The following CDKL5 variants were observed in gnomAD, a reference collection of about 807,000 sequenced individuals.
The protein encoded by CDKL5 is cyclin-dependent kinase-like 5.
CDKL5 carries 8 observed loss-of-function variants against 61.7 expected under a neutral mutation model. That is an observed-to-expected ratio of 0.13 (90% CI 0.08 to 0.23). The LOEUF is 0.23. CDKL5 is among the 10% of genes least tolerant of loss of function. The probability of loss-of-function intolerance (pLI) is 1.00; values close to 1 mark genes in which losing one functional copy is unlikely to be tolerated. For missense variants in CDKL5, 440 were observed against 734.5 expected (o/e 0.60, Z 4.63); for synonymous variants, 275 against 272.3 (o/e 1.01, Z -0.10).
intron 1 of CDKL5, among the ~76,000 whole-genome samples, chrX:18,501,082 C>G (rs1922364582): frequency 1.8e-5 from 2 of 110,948 alleles, no homozygotes; most frequent in Admixed American, 1.9e-4. Flanking sequence ...CTTAAGCAGT[C>G]TGCCTGCCTC....
intron 1 of CDKL5, among the ~76,000 whole-genome samples, chrX:18,474,726 T>TA (rs1320918397): frequency 9.0e-6 from 1 of 111,678 alleles, no homozygotes; most frequent in Non-Finnish European, 1.9e-5. Flanking sequence ...CTAGGGACCT[T>TA]AACTTTTAGT....
chrX:18,485,901 AAG>A (rs1015918586), intron 1 of CDKL5, among the ~76,000 whole-genome samples: 1 of 111,368 alleles, frequency 9.0e-6, no homozygotes, highest in Non-Finnish European at 1.9e-5. Flanking sequence ...TTTTTTTAAA[AAG>A]AGAGAGCGCA....
chrX:18,545,981 C>T (rs1347081393), intron 3 of CDKL5, among the ~76,000 whole-genome samples: 1 of 111,589 alleles, frequency 9.0e-6, no homozygotes. Context: ...TTTGGTAACA[C>T]ACCTACTCTA....
intron 11 of CDKL5, among the ~76,000 whole-genome samples, chrX:18,601,247 A>T (rs1926168421): frequency 8.9e-6 from 1 of 111,833 alleles, no homozygotes; most frequent in Non-Finnish European, 1.9e-5. Context: ...TCTGCCCACC[A>T]TGGACACGGT....
chrX:18,517,941 G>T (rs896387285), intron 3 of CDKL5, among the ~76,000 whole-genome samples: 1 of 111,221 alleles, frequency 9.0e-6, no homozygotes, highest in African/African-American at 3.3e-5. Context: ...GGAGGCGGAG[G>T]TTGCAGTGAG....
At chrX:18,581,844 G>A (rs746423337) in intron 6 of CDKL5, 47 bp from the exon 7 acceptor site, 1 of 838,895 alleles carries the variant, frequency 1.2e-6, no homozygotes. Flanking sequence ...TCAATCAGGA[G>A]AACATAGAAC....
At chrX:18,537,648 C>T (rs1427229072) in intron 3 of CDKL5, among the ~76,000 whole-genome samples, 3 of 112,036 alleles carry the variant, frequency 2.7e-5, no homozygotes, top group African/African-American at 6.5e-5. Context: ...TTTATAGCCA[C>T]AGCCACACTC....
In CDKL5 at chrX:18,629,491, A is replaced by G. The variant is rs1011405191; in HGVS notation, c.*734A>G. The G allele has an allele frequency of 1.7e-5, 10 of 591,761 alleles. No homozygotes were observed. The highest frequency in any genetic ancestry group is 2.0e-5 in the Non-Finnish European group (10 of 492,050). 48.8% of individuals were successfully genotyped at this position (591,761 alleles called of 1,213,427 possible). A position where few individuals can be genotyped will look rare whatever the true frequency, so the allele number is the denominator to read the frequency against. On this transcript the variant is annotated 3_prime_UTR_variant, in exon 18 of 18. Coordinates refer to ENST00000623535, the MANE Select transcript of CDKL5 (RefSeq NM_001323289.2). ...TATGGTAAATATCTGTTTTATAAAT[A>G]TATTCATTTAAAGAAAGTATCGTTA...
chrX:18,572,231 G>A (rs1303317536), intron 4 of CDKL5, among the ~76,000 whole-genome samples: 1 of 111,690 alleles, frequency 9.0e-6, no homozygotes, highest in Non-Finnish European at 1.9e-5. Flanking sequence ...TTAAAAGACC[G>A]AGTCCAGAAT....
chrX:18,446,636 T>G (rs2147630410), intron 1 of CDKL5, among the ~76,000 whole-genome samples: 1 of 111,782 alleles, frequency 8.9e-6, no homozygotes, highest in Non-Finnish European at 1.9e-5. Context: ...TGGGAAGGTA[T>G]AATACATTTT....
At chrX:18,569,268 G>T (rs1602266088) in intron 4 of CDKL5, among the ~76,000 whole-genome samples, 1 of 110,825 alleles carries the variant, frequency 9.0e-6, no homozygotes, top group Non-Finnish European at 1.9e-5. Flanking sequence ...CTAAATGATG[G>T]TATTATAAGT....
At chrX:18,450,849 A>ATTGTTT (rs1931997181) in intron 1 of CDKL5, among the ~76,000 whole-genome samples, 1 of 109,437 alleles carries the variant, frequency 9.1e-6, no homozygotes, top group African/African-American at 3.3e-5. Context: ...TGCTGGGATT[A>ATTGTTT]CAGGTGTGAG....
At position 18,507,077 on chromosome X, in the gene CDKL5, C is replaced by G. The variant is rs1337271170; in HGVS notation, c.-20C>G. ...TGGTGCCATGTTTTGTGGCTTGCAT[C>G]AAAAGAGGAGTTTGTCTTCATGAAG... On this transcript the variant is annotated 5_prime_UTR_variant, in exon 2 of 18. It adds an upstream start codon to the 5' untranslated region. Transcript: ENST00000623535. The G allele has an allele frequency of 8.7e-7, 1 of 1,155,355 alleles. No individual in the cohort carries two copies. Among genetic ancestry groups the G allele is most frequent in the Non-Finnish European group, 1.2e-6 (1 of 844,768 alleles).
chrX:18,492,561 G>A lies in CDKL5; in HGVS notation c.-162-14374G>A, dbSNP rs755240228. 3.6e-5 allele frequency among the ~76,000 whole-genome samples: 4 copies of A among 111,242 alleles called. No individual in the cohort carries two copies. In the South Asian group the frequency reaches 1.2e-3, roughly 32 times the overall value. ...TCAGTGAAGAAACAGCACCTCTCAT[G>A]TGTCTCTACTCATACATAGCCCAAG... On this transcript the variant is annotated intron_variant, in intron 1 of 17. Transcript: ENST00000623535.
downstream of CDKL5, chrX:18,642,204 AG>A (rs1240642430): frequency 8.7e-7 from 1 of 1,150,855 alleles, no homozygotes; most frequent in East Asian, 3.0e-5. Context: ...GGGAGGGAAA[AG>A]GAAGAAGGGT....
At chrX:18,653,594 G>A (rs764866730) in exon 22 of CDKL5, 6 of 1,172,607 alleles carry the variant, frequency 5.1e-6, no homozygotes, top group Non-Finnish European at 1.2e-6. Flanking sequence ...CCTCTCTCAT[G>A]GAAGAACCAA....
rs748227935 is a variant in CDKL5 at position 18,536,957 on chromosome X, A to G, written c.99+26103A>G. On this transcript the variant is annotated intron_variant, in intron 3 of 17. Coordinates refer to ENST00000623535, the MANE Select transcript of CDKL5 (RefSeq NM_001323289.2). ...AATTATATGTAGCAGGATCACACAT[A>G]TACCCATTACTTTCAAATGTGCCAA... Among the ~76,000 whole-genome samples, 8 of 109,214 alleles carry G rather than the reference A, an allele frequency of 7.3e-5. No individual in the cohort carries two copies. The East Asian group carries it at 2.3e-3, about 31-fold the overall frequency. The allele number at this position is 109,214 out of a possible 115,157, so 94.8% of individuals were successfully genotyped here. A position where few individuals can be genotyped will look rare whatever the true frequency, so the allele number is the denominator to read the frequency against.
In CDKL5 at chrX:18,637,685, A is replaced by G. The variant is rs780448988; in HGVS notation, c.*8928A>G. The G allele has an allele frequency of 8.9e-6, 1 of 111,831 alleles. No homozygotes were observed. Among genetic ancestry groups the G allele is most frequent in the Non-Finnish European group, 1.9e-5 (1 of 53,199 alleles). The allele number at this position is 111,831 out of a possible 1,213,427, so 9.2% of individuals were successfully genotyped here. On this transcript the variant is annotated 3_prime_UTR_variant, in exon 18 of 18. Coordinates refer to ENST00000623535, the MANE Select transcript of CDKL5 (RefSeq NM_001323289.2). ...CACTTCACTATGCCTCAGTTTCCTT[A>G]TCTTTAAATGGAGGTAATCACAGTA...
intron 1 of CDKL5, among the ~76,000 whole-genome samples, chrX:18,474,371 C>T (rs933886262): frequency 1.8e-5 from 2 of 111,122 alleles, no homozygotes; most frequent in East Asian, 2.8e-4. Flanking sequence ...TCTCTGTTGC[C>T]TCTACCTTTA....
Sources: gnomAD v4.1 joint callset for allele counts (sites outside exome capture counted in the v4.1 genomes callset) on GRCh38, gnomAD v4.1.1 for gene constraint, MANE v1.5 for transcripts, NCBI Gene and HGNC (gene_info 2026-07-23, HGNC 2026-07-21) for gene names.